TBC1D5: variants seen among roughly 807,000 people sequenced by gnomAD.
TBC1D5 encodes TBC1 domain family, member 5.
In TBC1D5, 75 loss-of-function variants were observed where a neutral mutation model predicts 100.3. The observed-to-expected ratio is 0.75, with a 90% CI of 0.62 to 0.91. The LOEUF (loss-of-function observed/expected upper bound fraction) is 0.91, where lower values mean the gene tolerates loss of function less well. Among genes scored for constraint, TBC1D5 ranks in the 40% least tolerant of loss-of-function variants. TBC1D5 has a pLI of 0.00. For synonymous variants in TBC1D5, 323 were observed against 325.6 expected (o/e 0.99, Z 0.09); for missense variants, 910 against 942.4 (o/e 0.97, Z 0.45).
chr3:17,445,585 T>C (rs2094771541), intron 3 of TBC1D5, among the ~76,000 whole-genome samples: 1 of 152,168 alleles, frequency 6.6e-6, no homozygotes, highest in Admixed American at 6.5e-5. Flanking sequence ...CAGTGAACCA[T>C]GGTCCAACAA....
intron 3 of TBC1D5, among the ~76,000 whole-genome samples, chr3:17,451,278 C>T (rs952644088): frequency 1.3e-5 from 2 of 152,118 alleles, no homozygotes; most frequent in African/African-American, 2.4e-5. Context: ...CAAAAACATA[C>T]CAAAATGTAA....
chr3:17,381,314 T>C (rs1411158462), intron 9 of TBC1D5, among the ~76,000 whole-genome samples: 1 of 152,060 alleles, frequency 6.6e-6, no homozygotes, highest in African/African-American at 2.4e-5. Context: ...CTTAATCTAT[T>C]TTTTCTTTCT....
At chr3:17,484,490 T>TGTGTGTGTGTGTGTGTGTG (rs2095536962) in intron 3 of TBC1D5, among the ~76,000 whole-genome samples, 2 of 99,402 alleles carry the variant, frequency 2.0e-5, no homozygotes, top group African/African-American at 4.9e-5. Flanking sequence ...GTGTGTGTGT[T>TGTGTGTGTGTGTGTGTGTG]TGGGTAACAA....
intron 16 of TBC1D5, among the ~76,000 whole-genome samples, chr3:17,256,896 G>A (rs1448048932): frequency 2.0e-5 from 3 of 152,170 alleles, no homozygotes; most frequent in African/African-American, 7.2e-5. Flanking sequence ...GAAGAGGCAT[G>A]GGAAGATGGG....
intron 1 of TBC1D5, among the ~76,000 whole-genome samples, chr3:17,711,342 C>T (rs1287308003): frequency 6.6e-6 from 1 of 152,084 alleles, no homozygotes; most frequent in Non-Finnish European, 1.5e-5. Context: ...GTATTAGTTA[C>T]AGATATGTTA....
chr3:17,316,932 G>A (rs888973700), intron 13 of TBC1D5, among the ~76,000 whole-genome samples: 1 of 152,058 alleles, frequency 6.6e-6, no homozygotes. Flanking sequence ...CAACAGTGTG[G>A]CAGGTACTGT....
intron 3 of TBC1D5, among the ~76,000 whole-genome samples, chr3:17,455,997 T>A (rs927666333): frequency 6.6e-6 from 1 of 151,972 alleles, no homozygotes; most frequent in Non-Finnish European, 1.5e-5. Flanking sequence ...AAACCCACCC[T>A]CCTACATGGA....
At chr3:17,484,691 C>A (rs1280985710) in intron 3 of TBC1D5, among the ~76,000 whole-genome samples, 1 of 151,900 alleles carries the variant, frequency 6.6e-6, no homozygotes, top group Non-Finnish European at 1.5e-5. Context: ...CCCTGTATTG[C>A]CCAGGGTGGT....
Position 17,622,319 on chromosome 3 carries a change from AC to A in TBC1D5, c.-36+1529del, listed in dbSNP as rs11479483. Among the ~76,000 whole-genome samples, 495 of 152,248 alleles carry A rather than the reference AC, an allele frequency of 3.3e-3. 3 individuals are homozygous for A. Among genetic ancestry groups the A allele is most frequent in the African/African-American group, 0.01 (416 of 41,554 alleles). ...GGCTGTGGACCGGTCCCAGTCCATG[AC>A]CAGGGGATTGGGGACCCCTGTTCTA... On this transcript the variant is annotated intron_variant, in intron 2 of 21. Transcript: ENST00000253692.
In TBC1D5 at chr3:17,372,067, A is replaced by T; in HGVS notation, c.995+8T>A. ...ACAAACAAACAAACAAAGAACTTTA[A>T]TACTTACAACCCATATATCTGTGGT... On this transcript the variant is annotated splice_region_variant and intron_variant, in intron 13 of 21. Transcript: ENST00000253692. 9.5e-7 allele frequency: 1 copy of T among 1,056,460 alleles called. No homozygotes were observed. The highest frequency in any genetic ancestry group is 1.3e-6 in the Non-Finnish European group (1 of 748,526). The allele number at this position is 1,056,460 out of a possible 1,614,324, so 65.4% of individuals were successfully genotyped here.
At chr3:17,497,380 G>T (rs1291517148) in intron 3 of TBC1D5, among the ~76,000 whole-genome samples, 1 of 152,116 alleles carries the variant, frequency 6.6e-6, no homozygotes, top group Non-Finnish European at 1.5e-5. Flanking sequence ...AAAGCAAGTG[G>T]TCTACTTTTT....
exon 19 of TBC1D5, chr3:17,185,178 G>A (rs1424133949): frequency 1.9e-6 from 3 of 1,613,320 alleles, no homozygotes; most frequent in Non-Finnish European, 2.5e-6. Context: ...TGCCCTTGAA[G>A]GAAGGAAATT....
intron 2 of TBC1D5, among the ~76,000 whole-genome samples, chr3:17,584,243 G>A (rs1264299411): frequency 6.6e-6 from 1 of 152,184 alleles, no homozygotes; most frequent in Non-Finnish European, 1.5e-5. Context: ...TGGCATGATG[G>A]AAATGTTCCA....
chr3:17,524,373 C>T (rs950135457), intron 2 of TBC1D5, among the ~76,000 whole-genome samples: 4 of 152,190 alleles, frequency 2.6e-5, no homozygotes, highest in Non-Finnish European at 5.9e-5. Flanking sequence ...ATCAAAATTA[C>T]TAATGCATCT....
chr3:17,683,669 A>G (rs1389707183), intron 1 of TBC1D5, among the ~76,000 whole-genome samples: 1 of 152,218 alleles, frequency 6.6e-6, no homozygotes, highest in Non-Finnish European at 1.5e-5. Flanking sequence ...CCTTTGAGTC[A>G]GAGTAAATGA....
intron 1 of TBC1D5, among the ~76,000 whole-genome samples, chr3:17,703,655 G>A (rs1474995993): frequency 6.6e-6 from 1 of 152,040 alleles, no homozygotes; most frequent in Non-Finnish European, 1.5e-5. Context: ...ATCCCTGAAT[G>A]TTTTAAGATT....
At chr3:17,726,987 T>TA (rs1217236984) in intron 1 of TBC1D5, among the ~76,000 whole-genome samples, 11 of 152,170 alleles carry the variant, frequency 7.2e-5, no homozygotes, top group African/African-American at 2.7e-4. Context: ...CGGCTACTAA[T>TA]AGATAGTAAG....
intron 2 of TBC1D5, among the ~76,000 whole-genome samples, chr3:17,589,011 A>G (rs2096750057): frequency 6.6e-6 from 1 of 152,208 alleles, no homozygotes; most frequent in East Asian, 1.9e-4. Context: ...TCCACATAGT[A>G]AACATAAATT....
chr3:17,494,924 G>T (rs1471829705), intron 3 of TBC1D5, among the ~76,000 whole-genome samples: 1 of 152,210 alleles, frequency 6.6e-6, no homozygotes, highest in Non-Finnish European at 1.5e-5. Context: ...GGGATACCCT[G>T]ATCCCTGGGT....
Sources: allele counts gnomAD v4.1 joint callset (sites outside exome capture counted in the v4.1 genomes callset), GRCh38; gene constraint gnomAD v4.1.1; transcripts MANE v1.5; gene names NCBI Gene and HGNC (gene_info 2026-07-23, HGNC 2026-07-21).